Variants in SLC15A3 observed in about 807,000 individuals in gnomAD.
SLC15A3 encodes the protein solute carrier family 15 member 3.
Under a neutral mutation model 49.2 loss-of-function variants are expected in SLC15A3, and 39 were observed. The observed-to-expected ratio is 0.79, with a 90% CI of 0.61 to 1.04. The LOEUF (loss-of-function observed/expected upper bound fraction) is 1.04. Among genes scored for constraint, SLC15A3 ranks in the 50% least tolerant of loss-of-function variants. The pLI, the probability that SLC15A3 is intolerant of heterozygous loss-of-function variation, is 0.00. For synonymous variants in SLC15A3, 339 were observed against 367.0 expected (o/e 0.92, Z 0.87); for missense variants, 758 against 794.8 (o/e 0.95, Z 0.56).
chr11:60,950,925 C>G, intron 1 of SLC15A3, 69 bp downstream of exon 1: 1 of 1,364,988 alleles, frequency 7.3e-7, no homozygotes, highest in Non-Finnish European at 9.4e-7. Flanking sequence ...TCCCAGGTCA[C>G]GCTGGGGGCC....
intron 5 of SLC15A3, 122 bp downstream of exon 5, chr11:60,940,998 AAC>A: frequency 1.8e-6 from 2 of 1,106,968 alleles, no homozygotes; most frequent in Non-Finnish European, 2.5e-6. Context: ...CTGGGAAGCC[AAC>A]ACTGACGCCC....
Position 60,942,164 on chromosome 11 carries a change from G to C in SLC15A3, c.997-19C>G. ...ACTGCATCTGCCAAGAGAGACAGGGGTGAGGCTGGAACAGAAACGGCCATG... is the reference window on the plus strand; with the variant it reads ...ACTGCATCTGCCAAGAGAGACAGGGCTGAGGCTGGAACAGAAACGGCCATG... On this transcript the variant is annotated intron_variant, in intron 3 of 7. Coordinates refer to ENST00000227880, the MANE Select transcript of SLC15A3 (RefSeq NM_016582.3). 1 of 1,608,694 alleles carries C rather than the reference G, an allele frequency of 6.2e-7. No individual in the cohort carries two copies. The highest frequency in any genetic ancestry group is 8.5e-7 in the Non-Finnish European group (1 of 1,175,360).
At position 60,937,851 on chromosome 11, in the gene SLC15A3, G is replaced by A. The variant is rs371088280; in HGVS notation, c.1591+19C>T. On this transcript the variant is annotated intron_variant, in intron 7 of 7. Transcript: ENST00000227880. Reference sequence around the variant, plus strand: ...CTCCCTCCATCCATGTCCCACTCCTGGGGAGGCCCCATACTCACCAAAGTC... The same window carrying A: ...CTCCCTCCATCCATGTCCCACTCCTAGGGAGGCCCCATACTCACCAAAGTC... The A allele has an allele frequency of 3.7e-6, 6 of 1,611,052 alleles. No individual in the cohort carries two copies. Among genetic ancestry groups the A allele is most frequent in the Non-Finnish European group, 5.1e-6 (6 of 1,178,258 alleles).
At chr11:60,941,741 G>T (rs1856711254) in intron 4 of SLC15A3, 2 of 390,654 alleles carry the variant, frequency 5.1e-6, no homozygotes, top group Non-Finnish European at 9.4e-6. Flanking sequence ...AGGAAGAGTT[G>T]AAAAGGGACC....
In SLC15A3 at chr11:60,939,623, T is replaced by A; in HGVS notation, c.1292A>T (p.Glu431Val). The A allele has an allele frequency of 6.2e-7, 1 of 1,614,046 alleles. No homozygotes were observed. The highest frequency in any genetic ancestry group is 8.5e-7 in the Non-Finnish European group (1 of 1,179,980). ...SVIVAGVLEM[E>V]RLHYIHHNET... ...GTTGTGGTGGATGTAGTGTAAGCGCTCCATCTCCAGGACTCCTGGTGGAGG... is the reference window on the plus strand; with the variant it reads ...GTTGTGGTGGATGTAGTGTAAGCGCACCATCTCCAGGACTCCTGGTGGAGG... Residue 431 changes from glutamate (E) to valine (V), a missense_variant, in exon 6 of 8, where the codon GAG becomes GTG. Coordinates refer to ENST00000227880, the MANE Select transcript of SLC15A3 (RefSeq NM_016582.3).
rs1856917330 is a variant in SLC15A3 at position 60,951,309 on chromosome 11, G to C, written c.243C>G (p.Gly81=). ...CCACGGGCGCCAGCAGGTAGGAGGC[G>C]CCCAGGAATACCAGCGCGGCGCGCG... ...QATRAALVFL[G]ASYLLAPVGG... Residue 81 remains glycine, a synonymous_variant, in exon 1 of 8, where the codon GGC becomes GGG. Transcript: ENST00000227880. 4 of 1,528,348 alleles carry C rather than the reference G, an allele frequency of 2.6e-6. No individual in the cohort carries two copies. The highest frequency in any genetic ancestry group is 2.7e-5 in the East Asian group (1 of 37,026). 94.7% of individuals were successfully genotyped at this position (1,528,348 alleles called of 1,614,324 possible).
intron 1 of SLC15A3, among the ~76,000 whole-genome samples, chr11:60,949,691 A>C (rs1056310139): frequency 6.6e-6 from 1 of 152,270 alleles, no homozygotes; most frequent in African/African-American, 2.4e-5. Context: ...TGTGGGTGCC[A>C]ATTGGATGAA....
intron 1 of SLC15A3, 46 bp from the exon 2 acceptor site, chr11:60,946,867 G>T (rs1856813420): frequency 6.4e-7 from 1 of 1,570,080 alleles, no homozygotes; most frequent in African/African-American, 1.3e-5. Flanking sequence ...GGGGTCCGGG[G>T]CACTCTCTGT....
At position 60,941,218 on chromosome 11, in the gene SLC15A3, T is replaced by C. The variant is rs1366771417; in HGVS notation, c.1180A>G (p.Ile394Val). The part of the protein sequence containing the change: ...LILVPLKDRL[I>V]DPLLLRCKLL... ...TTGCACCGCAGCAGTAAAGGGTCGA[T>C]CAAGCGGTCCTTCAGAGGGACCAGA... The change falls in exon 5 of 8, where the codon ATC (isoleucine) becomes GTC (valine). Residue 394 changes from isoleucine (I) to valine (V), a missense_variant. Physicochemically the swap from Ile to Val is conservative, Grantham distance 29. Coordinates refer to ENST00000227880, the MANE Select transcript of SLC15A3 (RefSeq NM_016582.3). The C allele has an allele frequency of 6.2e-7, 1 of 1,614,132 alleles. No homozygotes were observed.
intron 2 of SLC15A3, among the ~76,000 whole-genome samples, chr11:60,944,606 T>C (rs1254123557): frequency 1.3e-5 from 2 of 152,140 alleles, no homozygotes; most frequent in African/African-American, 2.4e-5. Context: ...TTTTGGCTCG[T>C]AGCATCAATT....
chr11:60,943,780 G>A lies in SLC15A3; in HGVS notation c.905C>T (p.Ser302Phe). The change falls in exon 3 of 8, where the codon TCC (serine) becomes TTC (phenylalanine). Residue 302 changes from serine (S) to phenylalanine (F), a missense_variant. Ser to Phe is a radical substitution (Grantham distance 155). Coordinates refer to ENST00000227880, the MANE Select transcript of SLC15A3 (RefSeq NM_016582.3). ...ADERSPQPGA[S>F]PQEDIANFQV... ...GAAGTTGGCGATGTCCTCTTGCGGG[G>A]AAGCCCCTGGCTGGGGAGACCTCTC... 2 of 1,603,988 alleles carry A rather than the reference G, an allele frequency of 1.2e-6. No individual in the cohort carries two copies. The highest frequency in any genetic ancestry group is 1.7e-6 in the Non-Finnish European group (2 of 1,174,916).
At chr11:60,948,894 A>G (rs972602180) in intron 1 of SLC15A3, among the ~76,000 whole-genome samples, 1 of 152,214 alleles carries the variant, frequency 6.6e-6, no homozygotes, top group Non-Finnish European at 1.5e-5. Context: ...CTGGAGGTCA[A>G]TAGGGTCAAT....
chr11:60,939,719 A>T (rs1856683032), intron 5 of SLC15A3, 81 bp from the exon 6 acceptor site: 1 of 1,509,986 alleles, frequency 6.6e-7, no homozygotes, highest in Admixed American at 1.9e-5. Context: ...CATGGTGGGG[A>T]TGGGGTACTC....
At chr11:60,945,822 T>C (rs2134934786) in intron 2 of SLC15A3, among the ~76,000 whole-genome samples, 1 of 152,312 alleles carries the variant, frequency 6.6e-6, no homozygotes, top group African/African-American at 2.4e-5. Flanking sequence ...ATTATTTACA[T>C]TGTATCCTAA....
In SLC15A3 at chr11:60,937,528, TC is replaced by T. The variant is rs762812909; in HGVS notation, c.1592-156del. 5.2e-6 allele frequency: 5 copies of T among 957,214 alleles called. No individual in the cohort carries two copies. In the African/African-American group the frequency reaches 8.1e-5, roughly 15 times the overall value. The allele number at this position is 957,214 out of a possible 1,614,324, so 59.3% of individuals were successfully genotyped here. On this transcript the variant is annotated intron_variant, in intron 7 of 7. Coordinates refer to ENST00000227880, the MANE Select transcript of SLC15A3 (RefSeq NM_016582.3). ...GACAGATACCCACTAATGTTTGACT[TC>T]CTGAAGATCTCCAGGGGTGTCTACA...
intron 5 of SLC15A3, chr11:60,940,162 C>G (rs558893465): frequency 6.3e-6 from 1 of 158,722 alleles, no homozygotes; most frequent in Non-Finnish European, 1.4e-5. Flanking sequence ...ATCTCCTTCT[C>G]CTGTGTTGCT....
In SLC15A3 at chr11:60,937,384, G is replaced by C; in HGVS notation, c.1592-11C>G. The stretch of plus-strand genomic sequence containing the variant: ...AATTGTTGATGTTCCCTGGGGAAAG[G>C]AGGGGTTAGATTTGGGTCAGGACAG... On this transcript the variant is annotated splice_polypyrimidine_tract_variant and intron_variant, in intron 7 of 7. Transcript: ENST00000227880. The C allele has an allele frequency of 6.2e-7, 1 of 1,614,016 alleles. No homozygotes were observed. The highest frequency in any genetic ancestry group is 8.5e-7 in the Non-Finnish European group (1 of 1,179,970).
chr11:60,937,744 A>T, intron 7 of SLC15A3, 126 bp downstream of exon 7: 1 of 1,271,006 alleles, frequency 7.9e-7, no homozygotes. Flanking sequence ...CCGGGCTAGA[A>T]CCCCATTCTC....
rs1408572131 is a variant in SLC15A3 at position 60,937,246 on chromosome 11, G to A, written c.1719C>T (p.His573=). 6.2e-7 allele frequency: 1 copy of A among 1,614,142 alleles called. No homozygotes were observed. The highest frequency in any genetic ancestry group is 1.1e-5 in the South Asian group (1 of 91,092). The part of the protein sequence containing the change: ...YERASQGPAS[H]SRFSRDRG ...AGCCCCTGTCCCTGCTGAAACGGCT[G>A]TGGGAGGCTGGGCCCTGGGACGCCC... The change falls in exon 8 of 8, where the codon CAC becomes CAT. Residue 573 remains histidine (H), a synonymous_variant. Transcript: ENST00000227880.
Sources: gnomAD v4.1 joint callset for allele counts (sites outside exome capture counted in the v4.1 genomes callset) on GRCh38, gnomAD v4.1.1 for gene constraint, MANE v1.5 for transcripts, NCBI Gene and HGNC (gene_info 2026-07-23, HGNC 2026-07-21) for gene names.